The following KANK4 variants were observed in gnomAD, a reference collection of about 807,000 sequenced individuals.
KANK4 encodes KN motif and ankyrin repeat domain-containing protein 4.
In KANK4, 50 loss-of-function variants were observed where a neutral mutation model predicts 80.8. The ratio of observed to expected loss-of-function variants is 0.62; its 90% CI spans 0.49 to 0.78. The LOEUF (loss-of-function observed/expected upper bound fraction) is 0.78. KANK4 is among the 30% of genes least tolerant of loss of function. The pLI is 0.00. For synonymous variants in KANK4, 465 were observed against 506.9 expected, an observed-to-expected ratio of 0.92 and a Z score of 1.11; for missense variants, 1,196 against 1,240.1, an observed-to-expected ratio of 0.96 and a Z score of 0.53.
rs1672219648 is a variant in KANK4, at chr1:62,273,522, T to C, written c.1582A>G (p.Arg528Gly). The C allele has an allele frequency of 1.9e-6, 3 of 1,613,638 alleles. No homozygotes were observed. In the South Asian group the frequency reaches 3.3e-5, roughly 18 times the overall value. Residue 528 changes from arginine to glycine, a missense_variant, in exon 3 of 10, where the codon AGA becomes GGA. Arg to Gly is a moderately radical substitution (Grantham distance 125). This residue lies in a region of KANK4 where 1,154 missense variants were observed against 1,179.6 expected (regional missense o/e 0.98). Coordinates refer to ENST00000371153, the MANE Select transcript of KANK4 (RefSeq NM_181712.5). Reference protein sequence around the residue: ...GAGGFLWGSDRKTPPAGREET... With the variant: ...GAGGFLWGSDGKTPPAGREET... ...TCCCTCCCTGCTGGGGGAGTCTTTCTGTCGCTGCCCCACAGAAAGCCTCCT... is the reference window on the plus strand; with the variant it reads ...TCCCTCCCTGCTGGGGGAGTCTTTCCGTCGCTGCCCCACAGAAAGCCTCCT...
At chr1:62,263,555 A>C (rs548265558) in intron 6 of KANK4, 89 of 475,098 alleles carry the variant, frequency 1.9e-4, no homozygotes, top group African/African-American at 1.6e-3. Flanking sequence ...ACCAGTAACA[A>C]GGCACTTAAC....
chr1:62,317,880 A>G (rs1254504103), intron 1 of KANK4, among the ~76,000 whole-genome samples: 1 of 152,194 alleles, frequency 6.6e-6, no homozygotes, highest in Admixed American at 6.5e-5. Flanking sequence ...AGTGCCTGGC[A>G]CAGAGCATTT....
At chr1:62,286,527 A>C (rs1384768278) in intron 1 of KANK4, among the ~76,000 whole-genome samples, 1 of 152,226 alleles carries the variant, frequency 6.6e-6, no homozygotes, top group African/African-American at 2.4e-5. Flanking sequence ...ATCGCTTCCG[A>C]GGAACACATC....
Position 62,236,361 on chromosome 1 carries a change from C to A in KANK4, c.*1916G>T, listed in dbSNP as rs1452685916. Among the ~76,000 whole-genome samples, 1 of 152,090 alleles carries A rather than the reference C, an allele frequency of 6.6e-6. No individual in the cohort carries two copies. On this transcript the variant is annotated 3_prime_UTR_variant, in exon 10 of 10. Transcript: ENST00000371153. Reference sequence around the variant, plus strand: ...ATGCACATAAATGTTCGCGAAGCACCGGGCTAGAACATTTATTAACGTAGG... The same window carrying A: ...ATGCACATAAATGTTCGCGAAGCACAGGGCTAGAACATTTATTAACGTAGG...
At chr1:62,278,687 G>A (rs188733894) in intron 2 of KANK4, among the ~76,000 whole-genome samples, 183 of 151,996 alleles carry the variant, frequency 1.2e-3, no homozygotes, top group African/African-American at 3.8e-3. Context: ...GAGCCACCAC[G>A]CCCGGCTGAC....
Position 62,314,084 on chromosome 1 carries a change from G to A in KANK4, c.-71+5022C>T, listed in dbSNP as rs928282465. Among the ~76,000 whole-genome samples, 12 of 152,244 alleles carry A rather than the reference G, an allele frequency of 7.9e-5. No individual in the cohort carries two copies. In the East Asian group the frequency reaches 2.1e-3, roughly 27 times the overall value. On this transcript the variant is annotated intron_variant, in intron 1 of 9. Transcript: ENST00000371153. ...GCTGGAGTACAGTGGCGCGATCTCG[G>A]CTCACTGCAACTTCTGCCTCCTGGG...
chr1:62,279,198 G>GCGCGCGCGCGCA (rs1282615199), intron 2 of KANK4, among the ~76,000 whole-genome samples: 1 of 146,182 alleles, frequency 6.8e-6, no homozygotes, highest in African/African-American at 2.5e-5. Flanking sequence ...GCTAGCGCGC[G>GCGCGCGCGCGCA]CACACACACA....
chr1:62,256,539 C>T (rs181214446), intron 7 of KANK4, among the ~76,000 whole-genome samples: 86 of 152,274 alleles, frequency 5.6e-4, no homozygotes, highest in African/African-American at 1.8e-3. Context: ...TGAGCCATCA[C>T]GCCCCACTAA....
intron 1 of KANK4, among the ~76,000 whole-genome samples, chr1:62,285,369 TC>T (rs911987695): frequency 6.6e-6 from 1 of 152,184 alleles, no homozygotes; most frequent in African/African-American, 2.4e-5. Flanking sequence ...AACATGGGTT[TC>T]CCCAGGTAAG....
At chr1:62,249,995 C>G (rs769228286) in intron 8 of KANK4, among the ~76,000 whole-genome samples, 3 of 148,698 alleles carry the variant, frequency 2.0e-5, no homozygotes, top group Non-Finnish European at 4.5e-5. Context: ...CTTTTCTTTT[C>G]TTTTTTTTGA....
intron 8 of KANK4, among the ~76,000 whole-genome samples, chr1:62,250,575 T>C (rs779296281): frequency 6.8e-4 from 103 of 152,306 alleles, no homozygotes; most frequent in Admixed American, 1.8e-3. Flanking sequence ...TGGCTGCAGC[T>C]ATGCATTCTC....
chr1:62,316,407 A>G lies in KANK4; in HGVS notation c.-71+2699T>C, dbSNP rs542087634. Among the ~76,000 whole-genome samples the G allele has an allele frequency of 1.5e-4, 23 of 152,308 alleles. No individual in the cohort carries two copies. The South Asian group carries it at 2.3e-3, about 15-fold the overall frequency. On this transcript the variant is annotated intron_variant, in intron 1 of 9. Transcript: ENST00000371153. ...TCCAGCCATGAGCAGTGGCCTTCATAAAGTACCAGGAACGAAAAGAGGCTG... is the reference window on the plus strand; with the variant it reads ...TCCAGCCATGAGCAGTGGCCTTCATGAAGTACCAGGAACGAAAAGAGGCTG...
rs1040953863 is a variant in KANK4, at chr1:62,247,679, G to T, written c.2683-7C>A. ...TCAGCGCAGTCTGGCCTCCCTGCAT[G>T]CAGAGCCACAGGGATGTGGTGAGGT... is the stretch of plus-strand genomic sequence containing the variant. On this transcript the variant is annotated splice_polypyrimidine_tract_variant and splice_region_variant and intron_variant, in intron 8 of 9. Coordinates refer to ENST00000371153, the MANE Select transcript of KANK4 (RefSeq NM_181712.5). 1.2e-6 allele frequency: 2 copies of T among 1,612,304 alleles called. No individual in the cohort carries two copies. Among genetic ancestry groups the T allele is most frequent in the Non-Finnish European group, 1.7e-6 (2 of 1,179,478 alleles).
At chr1:62,278,320 TCTTCCTTCCTTCCTTCCTTC>T (rs1166178685) in intron 2 of KANK4, among the ~76,000 whole-genome samples, 1 of 60,530 alleles carries the variant, frequency 1.7e-5, no homozygotes, top group Non-Finnish European at 3.4e-5. Context: ...ACATTTTCTT[TCTTCCTTCCTTCCTTCCTTC>T]CTTCCTTCCT....
At chr1:62,278,307 G>T in intron 2 of KANK4, among the ~76,000 whole-genome samples, 1 of 141,086 alleles carries the variant, frequency 7.1e-6, no homozygotes, top group Non-Finnish European at 1.5e-5. Flanking sequence ...CATTTCCTGG[G>T]GCACATTTTC....
chr1:62,270,538 C>G (rs1672136100), intron 4 of KANK4, among the ~76,000 whole-genome samples: 1 of 151,960 alleles, frequency 6.6e-6, no homozygotes, highest in African/African-American at 2.4e-5. Context: ...GTGCATGTCC[C>G]CACACCCAAC....
chr1:62,249,673 G>C (rs1671564556), intron 8 of KANK4, among the ~76,000 whole-genome samples: 1 of 151,516 alleles, frequency 6.6e-6, no homozygotes, highest in Non-Finnish European at 1.5e-5. Flanking sequence ...CTCCCGAGTA[G>C]CTGGGATTAC....
intron 9 of KANK4, among the ~76,000 whole-genome samples, chr1:62,242,388 A>G (rs1671364874): frequency 6.6e-6 from 1 of 151,056 alleles, no homozygotes; most frequent in Non-Finnish European, 1.5e-5. Context: ...AAAAAAAAAA[A>G]AAAGGAAAGA....
chr1:62,274,182 T>G lies in KANK4; in HGVS notation c.922A>C (p.Ser308Arg). Reference protein sequence around the residue: ...LLLEEIELNISEIPPPPPVEV... With the variant: ...LLLEEIELNIREIPPPPPVEV... ...ACAGGTGGCGGGGGTGGAATCTCGC[T>G]GATGTTGAGCTCGATTTCTTCCAGG... Residue 308 changes from serine (S) to arginine (R), a missense_variant, in exon 3 of 10, where the codon AGC (serine) becomes CGC (arginine). Coordinates refer to ENST00000371153, the MANE Select transcript of KANK4 (RefSeq NM_181712.5). 4 of 1,614,182 alleles carry G rather than the reference T, an allele frequency of 2.5e-6. No individual in the cohort carries two copies. The highest frequency in any genetic ancestry group is 3.4e-6 in the Non-Finnish European group (4 of 1,180,034).
Sources: gnomAD v4.1 joint callset for allele counts (sites outside exome capture counted in the v4.1 genomes callset) on GRCh38, gnomAD v4.1.1 for gene constraint, gnomAD v4.1.1 regional missense constraint, MANE v1.5 for transcripts, NCBI Gene and HGNC (gene_info 2026-07-23, HGNC 2026-07-21) for gene names.